Variants in GALC observed in about 807,000 individuals in gnomAD.
GALC encodes galactosylceramidase, also known as galactocerebrosidase.
In GALC, 77 loss-of-function variants were observed where a neutral mutation model predicts 91.8. The ratio of observed to expected loss-of-function variants is 0.84; its 90% confidence interval spans 0.70 to 1.01. The LOEUF (loss-of-function observed/expected upper bound fraction) is 1.01. Among genes scored for constraint, GALC ranks in the 50% least tolerant of loss-of-function variants. GALC has a pLI of 0.00. For missense variants in GALC, 882 were observed against 855.9 expected, an observed-to-expected ratio of 1.03 and a Z score of -0.38; for synonymous variants, 357 against 306.7, an observed-to-expected ratio of 1.16 and a Z score of -1.71.
At chr14:87,989,191 T>C (rs1401685479) in intron 1 of GALC, among the ~76,000 whole-genome samples, 2 of 151,994 alleles carry the variant, frequency 1.3e-5, no homozygotes, top group African/African-American at 2.4e-5. Context: ...AAAAAATAAA[T>C]AAAAAGAGGC....
At chr14:87,958,065 A>T (rs1885633924) in intron 10 of GALC, among the ~76,000 whole-genome samples, 1 of 152,180 alleles carries the variant, frequency 6.6e-6, no homozygotes, top group Non-Finnish European at 1.5e-5. Context: ...AATCCTAAAC[A>T]AAAAGAACAA....
intron 8 of GALC, among the ~76,000 whole-genome samples, chr14:87,966,144 A>G (rs1886044095): frequency 6.6e-6 from 1 of 152,226 alleles, no homozygotes; most frequent in African/African-American, 2.4e-5. Context: ...CTGTAAAATG[A>G]GGATAATAAT....
chr14:87,975,926 A>C (rs1249152929), intron 7 of GALC, among the ~76,000 whole-genome samples: 2 of 152,226 alleles, frequency 1.3e-5, no homozygotes, highest in Admixed American at 1.3e-4. Context: ...TCAAAACTAT[A>C]CTACTAAGGA....
intron 6 of GALC, among the ~76,000 whole-genome samples, chr14:87,978,790 C>T (rs1194380787): frequency 6.7e-6 from 1 of 149,832 alleles, no homozygotes; most frequent in Non-Finnish European, 1.5e-5. Flanking sequence ...TTAAGAACAC[C>T]ACTGAAAACC....
At chr14:87,943,715 A>G (rs565594079) in intron 14 of GALC, among the ~76,000 whole-genome samples, 2 of 151,888 alleles carry the variant, frequency 1.3e-5, no homozygotes, top group African/African-American at 2.4e-5. Context: ...CAAAGTGCCT[A>G]CTATTACCCA....
intron 10 of GALC, chr14:87,959,429 A>C (rs1595208956): frequency 6.6e-6 from 1 of 152,318 alleles, no homozygotes; most frequent in East Asian, 1.9e-4. Flanking sequence ...CTAAAAAATT[A>C]AAAATAGGCG....
chr14:87,986,512 CTCT>C lies in GALC; in HGVS notation c.416_418del (p.Lys139del). On this transcript the variant is annotated inframe_deletion, in exon 4 of 17. Transcript: ENST00000261304. ...ACCAATGAGTGTAATATTGGGATTC[CTCT>C]TCTTAGCTTCTTTCATCAACCACCA... The C allele has an allele frequency of 6.2e-7, 1 of 1,607,298 alleles. No individual in the cohort carries two copies. Among genetic ancestry groups the C allele is most frequent in the Non-Finnish European group, 8.5e-7 (1 of 1,173,924 alleles).
rs929736164 is a variant in GALC at position 87,934,240 on chromosome 14, G to A, written c.*492C>T. On this transcript the variant is annotated 3_prime_UTR_variant, in exon 17 of 17. Coordinates refer to ENST00000261304, the MANE Select transcript of GALC (RefSeq NM_000153.4). ...CTTTTTAGAGCATAAAGCATAACAG[G>A]TTGAAGTGGTTTTCAAAAAGCTACT... is the stretch of plus-strand genomic sequence containing the variant. 7.4e-7 allele frequency: 1 copy of A among 1,352,234 alleles called. No homozygotes were observed. The highest frequency in any genetic ancestry group is 9.5e-7 in the Non-Finnish European group (1 of 1,052,056). 83.8% of individuals were successfully genotyped at this position (1,352,234 alleles called of 1,614,324 possible).
chr14:87,974,610 C>T (rs1335018021), intron 7 of GALC, among the ~76,000 whole-genome samples: 1 of 149,012 alleles, frequency 6.7e-6, no homozygotes, highest in Non-Finnish European at 1.5e-5. Context: ...AACAATATAA[C>T]CAAAAGGTTA....
intron 13 of GALC, 99 bp downstream of exon 13, chr14:87,947,629 T>C: frequency 1.7e-6 from 2 of 1,172,214 alleles, no homozygotes; most frequent in Non-Finnish European, 2.6e-6. Flanking sequence ...GAATGTGCTT[T>C]TGACAGCCAC....
chr14:87,952,922 A>C, intron 10 of GALC: 1 of 914,508 alleles, frequency 1.1e-6, no homozygotes, highest in Non-Finnish European at 1.8e-6. Context: ...GTGAAAATAA[A>C]ATTATAGATG....
chr14:87,951,293 A>C (rs933512239), intron 10 of GALC, among the ~76,000 whole-genome samples: 4 of 151,932 alleles, frequency 2.6e-5, no homozygotes, highest in Admixed American at 2.6e-4. Context: ...GATCAAAAGA[A>C]GTATGAGACA....
intron 13 of GALC, among the ~76,000 whole-genome samples, chr14:87,947,421 T>C (rs1034648621): frequency 4.6e-5 from 7 of 152,010 alleles, no homozygotes; most frequent in African/African-American, 7.2e-5. Flanking sequence ...ATGTCAGTAA[T>C]GGCTAATGGG....
At position 87,993,057 on chromosome 14, in the gene GALC, C is replaced by A. The variant is rs923261706; in HGVS notation, c.108G>T (p.Leu36=). 1.3e-6 allele frequency: 2 copies of A among 1,567,156 alleles called. No individual in the cohort carries two copies. Among genetic ancestry groups the A allele is most frequent in the Non-Finnish European group, 1.7e-6 (2 of 1,158,046 alleles). The change falls in exon 1 of 17, where the codon CTG becomes CTT. Residue 36 remains leucine, a synonymous_variant. Transcript: ENST00000261304. ...RAAVPLLLCA[L]LAPGGAYVLD... ...GCACGTACGCGCCGCCGGGCGCCAG[C>A]AGCGCACACAGCAGCAAGGGCACCG...
chr14:87,961,687 A>AT (rs1408496907), intron 10 of GALC, among the ~76,000 whole-genome samples: 1 of 152,014 alleles, frequency 6.6e-6, no homozygotes, highest in Non-Finnish European at 1.5e-5. Flanking sequence ...TGCTCTCCCT[A>AT]TTTTCCTTAT....
intron 6 of GALC, among the ~76,000 whole-genome samples, chr14:87,978,062 T>C (rs1191583033): frequency 4.6e-5 from 7 of 152,178 alleles, no homozygotes; most frequent in African/African-American, 1.7e-4. Flanking sequence ...AAGTTCTTCC[T>C]TTTCTTTGAG....
chr14:87,971,880 G>A (rs1393712219), intron 7 of GALC, among the ~76,000 whole-genome samples: 1 of 152,000 alleles, frequency 6.6e-6, no homozygotes, highest in Non-Finnish European at 1.5e-5. Context: ...TAAGCTGTTT[G>A]AAGTAGAATC....
chr14:87,979,736 A>T (rs1886658545), intron 6 of GALC, among the ~76,000 whole-genome samples: 2 of 152,218 alleles, frequency 1.3e-5, no homozygotes, highest in Admixed American at 6.5e-5. Context: ...TGAAATGTCA[A>T]ATTTGGGTAT....
At chr14:87,947,386 G>A (rs1224787959) in intron 13 of GALC, among the ~76,000 whole-genome samples, 4 of 152,006 alleles carry the variant, frequency 2.6e-5, no homozygotes, top group Non-Finnish European at 5.9e-5. Flanking sequence ...ATATGAATGT[G>A]TCTTAACCTC....
Sources: gnomAD v4.1 joint callset for allele counts (sites outside exome capture counted in the v4.1 genomes callset) on GRCh38, gnomAD v4.1.1 for gene constraint, MANE v1.5 for transcripts, NCBI Gene and HGNC (gene_info 2026-07-23, HGNC 2026-07-21) for gene names.